The following GALNT14 variants were observed in gnomAD, a reference collection of about 807,000 sequenced individuals.
GALNT14 encodes the protein polypeptide N-acetylgalactosaminyltransferase 14.
In GALNT14, 60 loss-of-function variants were observed where a neutral mutation model predicts 77.5. The observed-to-expected ratio is 0.77, with a 90% CI of 0.63 to 0.96. The LOEUF (loss-of-function observed/expected upper bound fraction) is 0.96. Among genes scored for constraint, GALNT14 ranks in the 40% least tolerant of loss-of-function variants. The pLI is 0.00. For missense variants in GALNT14, 710 were observed against 731.0 expected, an observed-to-expected ratio of 0.97 and a Z score of 0.33; for synonymous variants, 280 against 281.7, an observed-to-expected ratio of 0.99 and a Z score of 0.06.
chr2:31,018,814 C>T (rs1038883455), intron 1 of GALNT14, among the ~76,000 whole-genome samples: 1 of 152,156 alleles, frequency 6.6e-6, no homozygotes, highest in Non-Finnish European at 1.5e-5. Flanking sequence ...GCACACGGCC[C>T]TCATGACCTT....
intron 1 of GALNT14, among the ~76,000 whole-genome samples, chr2:31,054,049 G>C (rs958050728): frequency 6.6e-6 from 1 of 152,158 alleles, no homozygotes; most frequent in Non-Finnish European, 1.5e-5. Context: ...TCTGTGCCAG[G>C]CACTGAATTA....
chr2:30,974,967 A>G (rs1270574600), intron 2 of GALNT14, among the ~76,000 whole-genome samples: 4 of 152,208 alleles, frequency 2.6e-5, no homozygotes, highest in Non-Finnish European at 5.9e-5. Flanking sequence ...TTGCCAAGCT[A>G]TGGGTGACAC....
chr2:30,987,390 C>T (rs1336912799), intron 2 of GALNT14, among the ~76,000 whole-genome samples: 1 of 152,118 alleles, frequency 6.6e-6, no homozygotes, highest in Non-Finnish European at 1.5e-5. Flanking sequence ...CTGCCAAGGA[C>T]CCTGGAAATC....
intron 1 of GALNT14, among the ~76,000 whole-genome samples, chr2:31,071,991 G>A (rs1337541119): frequency 6.6e-6 from 1 of 152,302 alleles, no homozygotes; most frequent in African/African-American, 2.4e-5. Context: ...AGGAGACAGT[G>A]AGGCTGCAGG....
chr2:31,094,753 C>T (rs1468095190), intron 1 of GALNT14, among the ~76,000 whole-genome samples: 1 of 152,156 alleles, frequency 6.6e-6, no homozygotes, highest in Non-Finnish European at 1.5e-5. Flanking sequence ...CTGTTTCTGG[C>T]CCATACAGAC....
intron 1 of GALNT14, among the ~76,000 whole-genome samples, chr2:31,113,077 C>G (rs1677921770): frequency 6.6e-6 from 1 of 152,172 alleles, no homozygotes; most frequent in African/African-American, 2.4e-5. Context: ...AAGATAGAAA[C>G]CTTCTCATTT....
At chr2:31,126,736 T>G (rs1176949936) in intron 1 of GALNT14, 1 of 152,278 alleles carries the variant, frequency 6.6e-6, no homozygotes, top group Non-Finnish European at 1.5e-5. Context: ...GGGGCTACTA[T>G]ACCAGCCAAA....
chr2:30,948,630 A>G (rs1666846016), intron 6 of GALNT14, among the ~76,000 whole-genome samples: 1 of 152,164 alleles, frequency 6.6e-6, no homozygotes, highest in Admixed American at 6.5e-5. Context: ...TGTACAACCT[A>G]CTGGGAAAGG....
At chr2:30,900,830 C>T in the GALNT14 span, among the ~76,000 whole-genome samples, 1 of 152,184 alleles carries the variant, frequency 6.6e-6, no homozygotes, top group South Asian at 2.1e-4. Context: ...AACACCCAGT[C>T]AGGGGCAGAT....
chr2:31,035,795 G>A (rs556997080), intron 1 of GALNT14, among the ~76,000 whole-genome samples: 41 of 152,042 alleles, frequency 2.7e-4, no homozygotes, highest in East Asian at 1.2e-3. Flanking sequence ...TCTTATAAGC[G>A]GGAGCTAAAT....
intron 1 of GALNT14, among the ~76,000 whole-genome samples, chr2:31,059,120 G>A (rs575980254): frequency 6.6e-6 from 1 of 152,164 alleles, no homozygotes; most frequent in Non-Finnish European, 1.5e-5. Flanking sequence ...ATCTGTTTAA[G>A]CACAAGTTGG....
downstream of GALNT14, among the ~76,000 whole-genome samples, chr2:30,907,322 T>G (rs909809193): frequency 1.3e-5 from 2 of 150,446 alleles, no homozygotes; most frequent in African/African-American, 2.4e-5. Flanking sequence ...GCAAGACTAA[T>G]AAAGAAAAAA....
rs543708413 is a variant in GALNT14, at chr2:30,925,124, A to G, written c.1152-301T>C. Among the ~76,000 whole-genome samples, 6 of 152,342 alleles carry G rather than the reference A, an allele frequency of 3.9e-5. No individual in the cohort carries two copies. The South Asian group carries it at 8.3e-4, about 21-fold the overall frequency. On this transcript the variant is annotated intron_variant, in intron 11 of 14. Transcript: ENST00000349752. ...ACTTTTCATTCAAAACAAAGCTGCA[A>G]GAACATTCAGTGTGTTGTTAATAAT...
At chr2:30,927,285 T>C (rs1465382729) in intron 11 of GALNT14, among the ~76,000 whole-genome samples, 1 of 152,208 alleles carries the variant, frequency 6.6e-6, no homozygotes, top group African/African-American at 2.4e-5. Flanking sequence ...AACTCTGATA[T>C]GCAGACTAGT....
At position 30,952,185 on chromosome 2, in the gene GALNT14, TA is replaced by T. The variant is rs1290372929; in HGVS notation, c.654+3432del. On this transcript the variant is annotated intron_variant, in intron 6 of 14. Transcript: ENST00000349752. ...TAAATACAGTATTATAGTAACTATT[TA>T]AAAAAGACACTTTCTGCAAAGGAAA... Among the ~76,000 whole-genome samples the T allele has an allele frequency of 3.9e-5, 6 of 152,240 alleles. No individual in the cohort carries two copies. The East Asian group carries it at 9.7e-4, about 25-fold the overall frequency.
intron 11 of GALNT14, among the ~76,000 whole-genome samples, chr2:30,927,354 T>C (rs560747875): frequency 6.6e-6 from 1 of 152,186 alleles, no homozygotes; most frequent in Non-Finnish European, 1.5e-5. Flanking sequence ...GCAGGCAGCA[T>C]TGCATCACCT....
intron 9 of GALNT14, among the ~76,000 whole-genome samples, chr2:30,938,394 T>A (rs1444650536): frequency 6.7e-6 from 1 of 148,878 alleles, no homozygotes; most frequent in Non-Finnish European, 1.5e-5. Flanking sequence ...ACTCTCTCTC[T>A]CTCTCTCTCT....
chr2:31,010,381 C>T (rs1418280930), intron 1 of GALNT14, among the ~76,000 whole-genome samples: 1 of 152,156 alleles, frequency 6.6e-6, no homozygotes, highest in Non-Finnish European at 1.5e-5. Context: ...GGGCAGATCA[C>T]GAGGTCAGGA....
intron 1 of GALNT14, among the ~76,000 whole-genome samples, chr2:31,047,856 C>T (rs1426287391): frequency 1.3e-5 from 2 of 152,212 alleles, no homozygotes; most frequent in Non-Finnish European, 2.9e-5. Flanking sequence ...GTCTTCTTCC[C>T]AGCCACAACC....
Sources: allele counts gnomAD v4.1 joint callset (sites outside exome capture counted in the v4.1 genomes callset), GRCh38; gene constraint gnomAD v4.1.1; transcripts MANE v1.5; gene names NCBI Gene and HGNC (gene_info 2026-07-23, HGNC 2026-07-21).